Variants in C10orf90 observed in about 807,000 individuals in gnomAD.
C10orf90 encodes (E2-independent) E3 ubiquitin-conjugating enzyme FATS.
Under a neutral mutation model 62.5 loss-of-function variants are expected in C10orf90, and 56 were observed. The observed-to-expected ratio is 0.90, with a 90% CI of 0.72 to 1.12. The LOEUF is 1.12. Ranked by LOEUF, C10orf90 falls within the 50% of genes most tolerant of loss-of-function variation. The probability of loss-of-function intolerance (pLI) is 0.00; values close to 1 mark genes in which losing one functional copy is unlikely to be tolerated. For missense variants in C10orf90, 970 were observed against 880.4 expected (o/e 1.10, Z -1.29); for synonymous variants, 386 against 340.4 (o/e 1.13, Z -1.47).
chr10:126,436,470 C>CT (rs1402291276), intron 7 of C10orf90, among the ~76,000 whole-genome samples: 1 of 152,084 alleles, frequency 6.6e-6, no homozygotes, highest in Non-Finnish European at 1.5e-5. Context: ...AAACATCATA[C>CT]TTTTATGATG....
intron 3 of C10orf90, among the ~76,000 whole-genome samples, chr10:126,511,566 G>GT (rs199794569): frequency 0.055 from 7,971 of 145,644 alleles, 255 homozygotes; most frequent in Middle Eastern, 0.067. Context: ...AAGAATCGCT[G>GT]TTTTTTTTTT....
chr10:126,661,668 CTCTTT>C (rs933036028), intron 1 of C10orf90, among the ~76,000 whole-genome samples: 2 of 145,492 alleles, frequency 1.4e-5, no homozygotes, highest in Admixed American at 6.9e-5. Context: ...TGCTCTCTCT[CTCTTT>C]TTTTTTTTTT....
chr10:126,447,748 T>C (rs2134054554), intron 7 of C10orf90, among the ~76,000 whole-genome samples: 1 of 152,338 alleles, frequency 6.6e-6, no homozygotes, highest in African/African-American at 2.4e-5. Context: ...CAAGTGTACA[T>C]AGAACATTCT....
chr10:126,525,164 T>C (rs1030257920), intron 2 of C10orf90, among the ~76,000 whole-genome samples: 2 of 152,098 alleles, frequency 1.3e-5, no homozygotes, highest in African/African-American at 4.8e-5. Context: ...GGATGAATTA[T>C]TTGCTTTTAG....
chr10:126,489,572 G>A (rs1012498666), intron 4 of C10orf90, among the ~76,000 whole-genome samples: 15 of 152,054 alleles, frequency 9.9e-5, no homozygotes, highest in Admixed American at 9.2e-4. Context: ...AACAGAGCAC[G>A]ACGAGTGTTG....
chr10:126,637,938 G>T (rs1591164612), intron 2 of C10orf90, among the ~76,000 whole-genome samples: 1 of 152,214 alleles, frequency 6.6e-6, no homozygotes. Context: ...GTCCAGGCCA[G>T]CATGTCAGTG....
intron 4 of C10orf90, among the ~76,000 whole-genome samples, chr10:126,472,367 G>A (rs1352129608): frequency 1.3e-5 from 2 of 152,110 alleles, no homozygotes; most frequent in Admixed American, 1.3e-4. Flanking sequence ...GTCTCTGGGA[G>A]CTACGACATA....
At chr10:126,668,737 G>A (rs1372897905) in intron 1 of C10orf90, among the ~76,000 whole-genome samples, 1 of 152,166 alleles carries the variant, frequency 6.6e-6, no homozygotes, top group African/African-American at 2.4e-5. Context: ...CCATCAGACT[G>A]ATTGTGGGTG....
At chr10:126,654,547 A>G (rs866776593) in intron 1 of C10orf90, among the ~76,000 whole-genome samples, 1 of 152,208 alleles carries the variant, frequency 6.6e-6, no homozygotes, top group African/African-American at 2.4e-5. Flanking sequence ...TGCTATCCAG[A>G]CCACTCAAAC....
intron 1 of C10orf90, among the ~76,000 whole-genome samples, chr10:126,659,407 C>A (rs1260085675): frequency 2.0e-5 from 3 of 152,224 alleles, no homozygotes; most frequent in Non-Finnish European, 2.9e-5. Flanking sequence ...TTGCCCCTGG[C>A]TGCTGGCTAC....
At chr10:126,653,760 A>G (rs1232040031) in intron 1 of C10orf90, among the ~76,000 whole-genome samples, 1 of 152,220 alleles carries the variant, frequency 6.6e-6, no homozygotes, top group Non-Finnish European at 1.5e-5. Flanking sequence ...CAGATTCATC[A>G]GCAGAATCAC....
intron 2 of C10orf90, among the ~76,000 whole-genome samples, chr10:126,617,689 T>G (rs531705714): frequency 3.0e-4 from 45 of 152,370 alleles, no homozygotes; most frequent in Middle Eastern, 3.4e-3. Flanking sequence ...CAAGGAGCTC[T>G]GAAACGAAAG....
At chr10:126,626,682 G>A (rs1845749517) in intron 2 of C10orf90, among the ~76,000 whole-genome samples, 1 of 152,202 alleles carries the variant, frequency 6.6e-6, no homozygotes, top group South Asian at 2.1e-4. Flanking sequence ...GCTAAAATGT[G>A]CCTGGAGCAG....
chr10:126,651,708 C>G (rs1029659649), intron 1 of C10orf90, among the ~76,000 whole-genome samples: 2 of 152,188 alleles, frequency 1.3e-5, no homozygotes, highest in East Asian at 1.9e-4. Context: ...TGCCCTCCCC[C>G]ACTAACTTTG....
At chr10:126,582,754 G>C (rs1425098250) in intron 2 of C10orf90, among the ~76,000 whole-genome samples, 1 of 152,132 alleles carries the variant, frequency 6.6e-6, no homozygotes, top group Non-Finnish European at 1.5e-5. Context: ...ATGCAATCCA[G>C]ACATGCAAGC....
At position 126,565,132 on chromosome 10, in the gene C10orf90, TA is replaced by T. The variant is rs1181304831; in HGVS notation, c.314-51194del. On this transcript the variant is annotated intron_variant, in intron 2 of 9. Coordinates refer to ENST00000488181, the MANE Select transcript of C10orf90 (RefSeq NM_001350921.2). ...AATATATATTATATAATATATAATA[TA>T]AATATAATATTAAATATGTAATATA... Among the ~76,000 whole-genome samples, 12 of 23,000 alleles carry T rather than the reference TA, an allele frequency of 5.2e-4. 1 individual carries two copies. The highest frequency in any genetic ancestry group is 1.5e-3 in the Admixed American group (2 of 1,308). 15.1% of individuals were successfully genotyped at this position (23,000 alleles called of 152,430 possible).
intron 2 of C10orf90, among the ~76,000 whole-genome samples, chr10:126,600,105 G>A (rs953185578): frequency 6.7e-6 from 1 of 149,976 alleles, no homozygotes; most frequent in African/African-American, 2.5e-5. Context: ...GCTTGTGTGC[G>A]TGCATGCGTG....
At chr10:126,463,048 C>T (rs1860088993) in intron 5 of C10orf90, among the ~76,000 whole-genome samples, 1 of 149,870 alleles carries the variant, frequency 6.7e-6, no homozygotes. Context: ...CCCCTTCAGG[C>T]CTAACACTAG....
chr10:126,468,681 T>C (rs935008207), intron 4 of C10orf90, among the ~76,000 whole-genome samples: 4 of 152,116 alleles, frequency 2.6e-5, no homozygotes, highest in African/African-American at 4.8e-5. Flanking sequence ...AAGCAGGACA[T>C]TCTGCAGTGA....
Sources: allele counts gnomAD v4.1 joint callset (sites outside exome capture counted in the v4.1 genomes callset), GRCh38; gene constraint gnomAD v4.1.1; transcripts MANE v1.5; gene names NCBI Gene and HGNC (gene_info 2026-07-23, HGNC 2026-07-21).